The following TEX10 variants were observed in gnomAD, a reference collection of about 807,000 sequenced individuals.
TEX10 encodes the protein testis expressed 10.
A neutral mutation model predicts 104.4 loss-of-function variants in TEX10; 24 were observed. The observed-to-expected ratio is 0.23, with a 90% CI of 0.17 to 0.32. The LOEUF (loss-of-function observed/expected upper bound fraction) is 0.32. Ranked by LOEUF, TEX10 falls within the 10% of genes least tolerant of loss-of-function variation. TEX10 has a pLI of 1.00. For synonymous variants in TEX10, 396 were observed against 393.4 expected (o/e 1.01, Z -0.08); for missense variants, 921 against 1,083.9 (o/e 0.85, Z 2.11).
chr9:100,346,799 T>C lies in TEX10; in HGVS notation c.788A>G (p.Asn263Ser), dbSNP rs750208518. 13 of 1,614,032 alleles carry C rather than the reference T, an allele frequency of 8.1e-6. No homozygotes were observed. The highest frequency in any genetic ancestry group is 1.3e-5 in the African/African-American group (1 of 74,908). Residue 263 changes from asparagine to serine, a missense_variant, in exon 3 of 15, where the codon AAC (asparagine) becomes AGC (serine). Coordinates refer to ENST00000374902, the MANE Select transcript of TEX10 (RefSeq NM_017746.4). ...EQKENPHATSNSIFINWKEHA... is the reference protein window; with the variant it reads ...EQKENPHATSSSIFINWKEHA... ...TTCCTTCCAGTTGATAAAAATGGAG[T>C]TGCTAGTGGCATGGGGATTTTCTTT...
At position 100,308,534 on chromosome 9, in the gene TEX10, T is replaced by C. The variant is rs149574113; in HGVS notation, c.2431A>G (p.Ile811Val). The C allele has an allele frequency of 1.9e-6, 3 of 1,609,646 alleles. No homozygotes were observed. Among genetic ancestry groups the C allele is most frequent in the African/African-American group, 1.3e-5 (1 of 74,580 alleles). The change falls in exon 13 of 15, where the codon ATA becomes GTA. Residue 811 changes from isoleucine to valine, a missense_variant. By Grantham distance (29) the Ile-to-Val change is conservative. Coordinates refer to ENST00000374902, the MANE Select transcript of TEX10 (RefSeq NM_017746.4). ...CYSLLYFLLT[I>V]EKGEAEHLRK... ...AGATGTTCTGCTTCCCCTTTCTCTA[T>C]AGTGAGCAGAAAATAAAGAAGACTG... is the stretch of plus-strand genomic sequence containing the variant.
intron 8 of TEX10, 119 bp from the exon 9 acceptor site, chr9:100,326,598 G>A (rs1473875451): frequency 1.1e-6 from 1 of 947,600 alleles, no homozygotes; most frequent in Non-Finnish European, 1.5e-6. Context: ...TGAATTTTAT[G>A]AATATCAATT....
In TEX10 at chr9:100,336,283, C is replaced by T. The variant is rs191025807; in HGVS notation, c.1250+3974G>A. On this transcript the variant is annotated intron_variant, in intron 5 of 14. Coordinates refer to ENST00000374902, the MANE Select transcript of TEX10 (RefSeq NM_017746.4). The stretch of plus-strand genomic sequence containing the variant: ...TCCCCAACCCCTGGCCATAGACTGG[C>T]ACCAGTCCGCGGCCTGTTAGGAACC... 3.6e-3 allele frequency among the ~76,000 whole-genome samples: 548 copies of T among 152,334 alleles called. 3 individuals carry two copies. The highest frequency in any genetic ancestry group is 0.012 in the African/African-American group (514 of 41,578).
rs3931548 is a variant in TEX10, at chr9:100,351,370, C to A, written c.-10+1402G>T. ...CTCTAGTTACCTTAGTCTTAAAAAA[C>A]AAAACAAAACAAAAAAAAAAGCTGG... On this transcript the variant is annotated intron_variant, in intron 1 of 14. Transcript: ENST00000374902. Among the ~76,000 whole-genome samples the A allele has an allele frequency of 0.045, 1,816 of 40,024 alleles. 96 individuals are homozygous for A. In the East Asian group the frequency reaches 0.49, roughly 11 times the overall value. 26.3% of individuals were successfully genotyped at this position (40,024 alleles called of 152,430 possible). A position where few individuals can be genotyped will look rare whatever the true frequency, so the allele number is the denominator to read the frequency against.
intron 7 of TEX10, 147 bp downstream of exon 7, chr9:100,328,993 A>T: frequency 1.1e-6 from 1 of 916,692 alleles, no homozygotes; most frequent in Non-Finnish European, 1.6e-6. Flanking sequence ...ATCTTTTAAA[A>T]TTTTATACCA....
intron 11 of TEX10, among the ~76,000 whole-genome samples, chr9:100,315,551 GT>G (rs1297528274): frequency 1.3e-5 from 2 of 152,078 alleles, no homozygotes; most frequent in African/African-American, 4.8e-5. Context: ...TTTTAAACCT[GT>G]TTTTGATTTG....
chr9:100,310,177 A>C, intron 12 of TEX10, 122 bp downstream of exon 12: 8 of 787,216 alleles, frequency 1.0e-5, no homozygotes, highest in East Asian at 2.8e-5. Flanking sequence ...TCATGCTGCA[A>C]GAGACTATGA....
chr9:100,309,455 A>ATTGATCTT (rs1241613422), intron 12 of TEX10, among the ~76,000 whole-genome samples: 2 of 152,202 alleles, frequency 1.3e-5, no homozygotes, highest in African/African-American at 2.4e-5. Context: ...TGACTGGCAT[A>ATTGATCTT]TTGATCTTTT....
intron 5 of TEX10, among the ~76,000 whole-genome samples, chr9:100,334,426 C>T (rs1365313732): frequency 6.6e-6 from 1 of 151,828 alleles, no homozygotes; most frequent in African/African-American, 2.4e-5. Flanking sequence ...TTCAGAAATG[C>T]GAGAGAAATA....
chr9:100,303,110 TA>T (rs1177909023), intron 14 of TEX10, among the ~76,000 whole-genome samples: 2 of 152,226 alleles, frequency 1.3e-5, no homozygotes, highest in Non-Finnish European at 2.9e-5. Context: ...TCCTGCTAAA[TA>T]ATTTCCTTAA....
At chr9:100,326,566 A>AT (rs1193560282) in intron 8 of TEX10, 87 bp from the exon 9 acceptor site, 6 of 1,266,732 alleles carry the variant, frequency 4.7e-6, no homozygotes, top group Non-Finnish European at 6.4e-6. Context: ...CTTCCATTGA[A>AT]TTATGGGCTA....
At chr9:100,335,624 T>C (rs1834987570) in intron 5 of TEX10, among the ~76,000 whole-genome samples, 1 of 152,168 alleles carries the variant, frequency 6.6e-6, no homozygotes, top group South Asian at 2.1e-4. Context: ...TCTACTAGTA[T>C]AGTTTGGTGC....
intron 13 of TEX10, among the ~76,000 whole-genome samples, chr9:100,308,047 C>T (rs1834183796): frequency 6.6e-6 from 1 of 152,110 alleles, no homozygotes; most frequent in Non-Finnish European, 1.5e-5. Flanking sequence ...ATTTTATATA[C>T]GAGCAAAAGT....
intron 5 of TEX10, 133 bp from the exon 6 acceptor site, chr9:100,330,302 G>T: frequency 1.4e-6 from 1 of 714,146 alleles, no homozygotes; most frequent in Non-Finnish European, 2.4e-6. Flanking sequence ...AAGAAGATAG[G>T]TGCATAGGCA....
At chr9:100,302,453 G>T in intron 14 of TEX10, 149 bp from the exon 15 acceptor site, 2 of 551,298 alleles carry the variant, frequency 3.6e-6, no homozygotes. Flanking sequence ...CAGGAAACAG[G>T]GAACTATTAA....
At chr9:100,330,299 T>C (rs898681590) in intron 5 of TEX10, 130 bp from the exon 6 acceptor site, 27 of 716,650 alleles carry the variant, frequency 3.8e-5, no homozygotes, top group Non-Finnish European at 6.2e-5. Flanking sequence ...GCCAAGAAGA[T>C]AGGTGCATAG....
chr9:100,343,336 C>CAAAAAAAAAA (rs754079763), intron 4 of TEX10, among the ~76,000 whole-genome samples: 1 of 118,306 alleles, frequency 8.5e-6, no homozygotes. Context: ...TAAGGGAATG[C>CAAAAAAAAAA]AAAAAAAAAA....
At position 100,326,294 on chromosome 9, in the gene TEX10, C is replaced by T; in HGVS notation, c.1979+8G>A. The T allele has an allele frequency of 6.2e-7, 1 of 1,611,150 alleles. No individual in the cohort carries two copies. The highest frequency in any genetic ancestry group is 1.1e-5 in the South Asian group (1 of 90,848). ...ACACTTAAAATACAGCTCACTTGAG[C>T]ATGCTACCTCATGTGCAGTATCCCG... On this transcript the variant is annotated splice_region_variant and intron_variant, in intron 9 of 14. Coordinates refer to ENST00000374902, the MANE Select transcript of TEX10 (RefSeq NM_017746.4).
At chr9:100,331,400 G>C (rs2118892576) in intron 5 of TEX10, among the ~76,000 whole-genome samples, 1 of 152,300 alleles carries the variant, frequency 6.6e-6, no homozygotes, top group East Asian at 1.9e-4. Flanking sequence ...TCACACAACT[G>C]CACTCCAACC....
Sources: allele counts gnomAD v4.1 joint callset (sites outside exome capture counted in the v4.1 genomes callset), GRCh38; gene constraint gnomAD v4.1.1; transcripts MANE v1.5; gene names NCBI Gene and HGNC (gene_info 2026-07-23, HGNC 2026-07-21).